The following RAB7B variants were observed in gnomAD, a reference collection of about 807,000 sequenced individuals.
RAB7B encodes RAB7B, member RAS oncogene family.
At chr1:205,981,031 G>A (rs1660483042) in intron 5 of RAB7B, among the ~76,000 whole-genome samples, 1 of 152,002 alleles carries the variant, frequency 6.6e-6, no homozygotes, top group African/African-American at 2.4e-5. Flanking sequence ...CTCCCAAGTA[G>A]CTGGGACTAC....
At chr1:205,993,883 C>T (rs1660766722) in intron 2 of RAB7B, among the ~76,000 whole-genome samples, 200 bp downstream of exon 2, 2 of 152,200 alleles carry the variant, frequency 1.3e-5, no homozygotes, top group Non-Finnish European at 1.5e-5. Flanking sequence ...TGCAGAGTCA[C>T]TGCAGATCTA....
chr1:205,990,874 G>T (rs985431185), intron 4 of RAB7B, among the ~76,000 whole-genome samples: 1 of 143,346 alleles, frequency 7.0e-6, no homozygotes. Flanking sequence ...TGCAACTTCC[G>T]CCTCCCAGGT....
At chr1:206,001,809 C>T (rs939932989) in intron 1 of RAB7B, among the ~76,000 whole-genome samples, 34,007 of 152,068 alleles carry the variant, frequency 0.22, 4,662 homozygotes, top group African/African-American at 0.39. Context: ...AAGGACTGAG[C>T]TGTTGCCAAG....
chr1:205,989,486 A>C (rs1660680121), intron 4 of RAB7B, among the ~76,000 whole-genome samples: 1 of 151,784 alleles, frequency 6.6e-6, no homozygotes, highest in African/African-American at 2.4e-5. Flanking sequence ...TAACCCCTCT[A>C]TACGCAGCCG....
rs1660514891 is a variant in RAB7B at position 205,982,574 on chromosome 1, A to G, written c.522+2966T>C. Reference sequence around the variant, plus strand: ...CCCTCACAGTAACCTCATAGGGAAGATATTATTATCTGTACTTTAAAGTTA... The same window carrying G: ...CCCTCACAGTAACCTCATAGGGAAGGTATTATTATCTGTACTTTAAAGTTA... On this transcript the variant is annotated intron_variant, in intron 5 of 5. Coordinates refer to ENST00000617070, the MANE Select transcript of RAB7B (RefSeq NM_001164522.3). Among the ~76,000 whole-genome samples, 3 of 152,282 alleles carry G rather than the reference A, an allele frequency of 2.0e-5. No homozygotes were observed. In the South Asian group the frequency reaches 6.2e-4, roughly 32 times the overall value.
At position 205,978,697 on chromosome 1, in the gene RAB7B, C is replaced by A; in HGVS notation, c.*154G>T. The A allele has an allele frequency of 5.1e-6, 2 of 393,338 alleles. No individual in the cohort carries two copies. The highest frequency in any genetic ancestry group is 9.0e-6 in the Non-Finnish European group (2 of 223,156). 24.4% of individuals were successfully genotyped at this position (393,338 alleles called of 1,614,324 possible). On this transcript the variant is annotated 3_prime_UTR_variant, in exon 6 of 6. Transcript: ENST00000617070. ...TGCCCTCTGACTCTGGGCCCAGCAC[C>A]AGGGTCAAGGGCTCTGCCGCAGAGC...
chr1:205,985,965 C>T (rs947892194), intron 4 of RAB7B, among the ~76,000 whole-genome samples: 22 of 152,236 alleles, frequency 1.4e-4, no homozygotes, highest in Non-Finnish European at 1.5e-5. Context: ...AAAAACTTGC[C>T]CAGAGTATGT....
chr1:206,003,061 T>C (rs1571802281), intron 1 of RAB7B, among the ~76,000 whole-genome samples, 192 bp downstream of exon 1: 1 of 152,104 alleles, frequency 6.6e-6, no homozygotes, highest in Non-Finnish European at 1.5e-5. Flanking sequence ...GGCAGGGAAG[T>C]CTTTTCTTGC....
intron 2 of RAB7B, among the ~76,000 whole-genome samples, chr1:205,993,860 C>T (rs1348680106): frequency 2.0e-5 from 3 of 152,214 alleles, no homozygotes; most frequent in African/African-American, 7.2e-5. Context: ...GCCTAATTCA[C>T]ACAGCTGGTT....
chr1:205,996,525 C>G (rs1023644629), intron 1 of RAB7B, among the ~76,000 whole-genome samples: 2 of 152,288 alleles, frequency 1.3e-5, no homozygotes, highest in South Asian at 2.1e-4. Context: ...ACTCAAGATG[C>G]CTTCTTGGTG....
At chr1:205,998,419 C>T (rs1660841763) in intron 1 of RAB7B, among the ~76,000 whole-genome samples, 1 of 152,152 alleles carries the variant, frequency 6.6e-6, no homozygotes, top group African/African-American at 2.4e-5. Context: ...CTCCTAATCA[C>T]CAGAGTTTGA....
chr1:205,990,734 A>G (rs1660706723), intron 4 of RAB7B, among the ~76,000 whole-genome samples: 1 of 151,414 alleles, frequency 6.6e-6, no homozygotes, highest in East Asian at 1.9e-4. Context: ...CCCACAGAAG[A>G]AAGGGCTTGC....
At position 205,977,244 on chromosome 1, in the gene RAB7B, C is replaced by T. The variant is rs1001624096; in HGVS notation, c.*1607G>A. 2 of 152,180 alleles carry T rather than the reference C, an allele frequency of 1.3e-5. No homozygotes were observed. Among genetic ancestry groups the T allele is most frequent in the Non-Finnish European group, 2.9e-5 (2 of 68,032 alleles). 9.4% of individuals were successfully genotyped at this position (152,180 alleles called of 1,614,324 possible). Reference sequence around the variant, plus strand: ...TCTTGTCCACCCTCTCCAGGCTAGGCCCTGTCTGTGCTGCCTGGAGCCAGA... The same window carrying T: ...TCTTGTCCACCCTCTCCAGGCTAGGTCCTGTCTGTGCTGCCTGGAGCCAGA... On this transcript the variant is annotated 3_prime_UTR_variant, in exon 6 of 6. Coordinates refer to ENST00000617070, the MANE Select transcript of RAB7B (RefSeq NM_001164522.3).
At chr1:205,979,040 A>G (rs1660439638) in intron 5 of RAB7B, 112 bp from the exon 6 acceptor site, 1 of 393,084 alleles carries the variant, frequency 2.5e-6, no homozygotes. Flanking sequence ...TCCCCATTAT[A>G]CTTCTGGGAA....
intron 1 of RAB7B, among the ~76,000 whole-genome samples, chr1:206,002,839 G>T (rs1336663279): frequency 1.3e-5 from 2 of 152,176 alleles, no homozygotes; most frequent in Non-Finnish European, 2.9e-5. Flanking sequence ...AGACCCTTAG[G>T]CCAACACAAT....
chr1:205,998,699 C>T (rs1039200904), intron 1 of RAB7B, among the ~76,000 whole-genome samples: 44 of 152,330 alleles, frequency 2.9e-4, no homozygotes, highest in African/African-American at 1.0e-3. Flanking sequence ...TCTCACGTTA[C>T]AAGCTAACAT....
chr1:205,989,499 A>G (rs1399252670), intron 4 of RAB7B, among the ~76,000 whole-genome samples: 3 of 151,700 alleles, frequency 2.0e-5, no homozygotes. Context: ...CGCAGCCGCC[A>G]CCTCTCATGG....
chr1:205,988,251 T>TTTTTC (rs1265665986), intron 4 of RAB7B, among the ~76,000 whole-genome samples: 1 of 131,960 alleles, frequency 7.6e-6, no homozygotes, highest in Non-Finnish European at 1.6e-5. Flanking sequence ...TTTTTTCTTT[T>TTTTTC]AGTGTCTTGC....
chr1:205,989,199 G>A (rs1250475808), intron 4 of RAB7B, among the ~76,000 whole-genome samples: 1 of 151,970 alleles, frequency 6.6e-6, no homozygotes, highest in Admixed American at 6.5e-5. Flanking sequence ...CTGAACCCTG[G>A]CTTTTCCTAG....
Sources: allele counts gnomAD v4.1 joint callset (sites outside exome capture counted in the v4.1 genomes callset), GRCh38; gene constraint gnomAD v4.1.1; transcripts MANE v1.5; gene names NCBI Gene and HGNC (gene_info 2026-07-23, HGNC 2026-07-21).